NHSL1: variants seen among roughly 807,000 people sequenced by gnomAD.
NHSL1 encodes the protein NHS-like protein 1.
Under a neutral mutation model 95.0 loss-of-function variants are expected in NHSL1, and 48 were observed. That is an observed-to-expected ratio of 0.51 (90% CI 0.40 to 0.64). The LOEUF is 0.64. Among genes scored for constraint, NHSL1 ranks in the 30% least tolerant of loss-of-function variants. The pLI, the probability that NHSL1 is intolerant of heterozygous loss-of-function variation, is 0.00. For missense variants in NHSL1, 1,971 were observed against 2,077.7 expected, an observed-to-expected ratio of 0.95 and a Z score of 1.00; for synonymous variants, 783 against 833.9, an observed-to-expected ratio of 0.94 and a Z score of 1.05.
intron 1 of NHSL1, among the ~76,000 whole-genome samples, chr6:138,630,430 T>C (rs1784803648): frequency 6.6e-6 from 1 of 152,176 alleles, no homozygotes; most frequent in South Asian, 2.1e-4. Flanking sequence ...TTCGCTCTTA[T>C]TGCCCAGTCT....
At chr6:138,555,741 G>A (rs937999344) in intron 1 of NHSL1, among the ~76,000 whole-genome samples, 1 of 152,152 alleles carries the variant, frequency 6.6e-6, no homozygotes, top group African/African-American at 2.4e-5. Flanking sequence ...TGACTCAGAC[G>A]CTTCCAAAAC....
At chr6:138,610,134 T>C (rs1583447628) in intron 1 of NHSL1, among the ~76,000 whole-genome samples, 1 of 152,046 alleles carries the variant, frequency 6.6e-6, no homozygotes, top group Non-Finnish European at 1.5e-5. Flanking sequence ...TCCCAAAATG[T>C]CCCCTTCCGA....
chr6:138,486,695 T>C (rs1356137440), intron 2 of NHSL1, among the ~76,000 whole-genome samples: 1 of 152,180 alleles, frequency 6.6e-6, no homozygotes, highest in Non-Finnish European at 1.5e-5. Flanking sequence ...TTAGGTGACT[T>C]TTCCAAACAT....
chr6:138,523,556 G>A (rs1314195549), intron 1 of NHSL1, among the ~76,000 whole-genome samples: 4 of 144,512 alleles, frequency 2.8e-5, no homozygotes, highest in Non-Finnish European at 5.9e-5. Flanking sequence ...CCATCTTCCC[G>A]CTTTGGCGTC....
chr6:138,645,222 A>G (rs1050472215), intron 1 of NHSL1, among the ~76,000 whole-genome samples: 2 of 152,218 alleles, frequency 1.3e-5, no homozygotes, highest in African/African-American at 4.8e-5. Context: ...CACCAGCATG[A>G]TCTGACAGCA....
In NHSL1 at chr6:138,437,375, CATATATATAT is replaced by C. The variant is rs377602478; in HGVS notation, c.665-3705_665-3696del. Among the ~76,000 whole-genome samples, 173 of 36,192 alleles carry C rather than the reference CATATATATAT, an allele frequency of 4.8e-3. 8 individuals carry two copies. Among genetic ancestry groups the C allele is most frequent in the African/African-American group, 0.018 (160 of 8,990 alleles). 23.7% of individuals were successfully genotyped at this position (36,192 alleles called of 152,430 possible). A position where few individuals can be genotyped will look rare whatever the true frequency, so the allele number is the denominator to read the frequency against. On this transcript the variant is annotated intron_variant, in intron 5 of 7. Transcript: ENST00000343505. ...ATATATACACATATATATATATACA[CATATATATAT>C]ACACATATATATATATATACACACA...
chr6:138,642,406 A>T (rs1258964130), intron 1 of NHSL1, among the ~76,000 whole-genome samples: 1 of 152,170 alleles, frequency 6.6e-6, no homozygotes, highest in East Asian at 1.9e-4. Flanking sequence ...TAAAATGTTG[A>T]CTTAAGGCAG....
At chr6:138,442,626 A>G (rs1252587784) in intron 4 of NHSL1, among the ~76,000 whole-genome samples, 1 of 152,254 alleles carries the variant, frequency 6.6e-6, no homozygotes, top group African/African-American at 2.4e-5. Context: ...CAATTTGGAT[A>G]GACTGTGGTA....
chr6:138,659,546 C>G (rs1785199165), intron 1 of NHSL1, among the ~76,000 whole-genome samples: 1 of 152,128 alleles, frequency 6.6e-6, no homozygotes, highest in Admixed American at 6.5e-5. Context: ...GAATGATGCT[C>G]TAACACCTAA....
At chr6:138,519,460 A>T (rs1338158662) in intron 1 of NHSL1, among the ~76,000 whole-genome samples, 11 of 152,102 alleles carry the variant, frequency 7.2e-5, no homozygotes, top group Admixed American at 2.6e-4. Context: ...CTTTTTTTTT[A>T]AACCAGAGAA....
intron 1 of NHSL1, among the ~76,000 whole-genome samples, chr6:138,678,786 G>A (rs1385347336): frequency 6.6e-6 from 1 of 152,104 alleles, no homozygotes; most frequent in Non-Finnish European, 1.5e-5. Context: ...TAAATAAAAT[G>A]GGCACATAGT....
intron 4 of NHSL1, among the ~76,000 whole-genome samples, chr6:138,446,288 C>T (rs1424711279): frequency 6.6e-6 from 1 of 152,190 alleles, no homozygotes; most frequent in Non-Finnish European, 1.5e-5. Flanking sequence ...CTGCCCGCCT[C>T]AGCCTCCCAA....
At chr6:138,494,353 C>T (rs947345378) in intron 2 of NHSL1, among the ~76,000 whole-genome samples, 5 of 152,212 alleles carry the variant, frequency 3.3e-5, no homozygotes, top group African/African-American at 1.2e-4. Context: ...ATGAGCTCCA[C>T]AGCCTCAGAC....
chr6:138,527,376 CT>C (rs1781949771), intron 1 of NHSL1, among the ~76,000 whole-genome samples: 2 of 152,074 alleles, frequency 1.3e-5, no homozygotes, highest in Non-Finnish European at 2.9e-5. Flanking sequence ...AAAGTGCCCC[CT>C]GCCCCAAAAA....
At chr6:138,456,824 T>C (rs1045337391) in intron 3 of NHSL1, among the ~76,000 whole-genome samples, 1 of 148,044 alleles carries the variant, frequency 6.8e-6, no homozygotes, top group Non-Finnish European at 1.5e-5. Context: ...CACAAAGCAA[T>C]GGTGTACTCT....
At chr6:138,666,114 A>C (rs1785290850) in intron 1 of NHSL1, among the ~76,000 whole-genome samples, 1 of 151,704 alleles carries the variant, frequency 6.6e-6, no homozygotes, top group South Asian at 2.1e-4. Flanking sequence ...GACCAGCCTG[A>C]CCAACATGGA....
chr6:138,521,147 T>C (rs1296363812), intron 1 of NHSL1, among the ~76,000 whole-genome samples: 1 of 152,218 alleles, frequency 6.6e-6, no homozygotes, highest in African/African-American at 2.4e-5. Context: ...AACAAGTCCC[T>C]GTAACCAATA....
chr6:138,429,506 C>A (rs1775484533), intron 7 of NHSL1, among the ~76,000 whole-genome samples: 1 of 152,076 alleles, frequency 6.6e-6, no homozygotes, highest in Admixed American at 6.5e-5. Flanking sequence ...TCCCCAATGT[C>A]ATAAAAATCA....
Position 138,430,430 on chromosome 6 carries a change from GC to G in NHSL1, c.3914del (p.Gly1305AlafsTer40). ...EPAENSADTG[G>X]DGESCLSQQD... ...GTTGAGATAGGCAGCTCTCCCCATC[GC>G]CCCCAGTATCCGCACTGTTCTCGGC... On this transcript the variant is annotated frameshift_variant, in exon 6 of 8. Transcript: ENST00000343505. LOFTEE classifies it high-confidence loss of function. This position sits in a 1 kb window ranked among gnomAD's most constrained non-coding sequence, Gnocchi z 4.7. 4 of 1,503,560 alleles carry G rather than the reference GC, an allele frequency of 2.7e-6. No individual in the cohort carries two copies. Among genetic ancestry groups the G allele is most frequent in the Non-Finnish European group, 3.6e-6 (4 of 1,120,472 alleles). The allele number at this position is 1,503,560 out of a possible 1,614,324, so 93.1% of individuals were successfully genotyped here. A position where few individuals can be genotyped will look rare whatever the true frequency, so the allele number is the denominator to read the frequency against.
Sources: allele counts gnomAD v4.1 joint callset (sites outside exome capture counted in the v4.1 genomes callset), GRCh38; gene constraint gnomAD v4.1.1; non-coding constraint Gnocchi (gnomAD v3.1); transcripts MANE v1.5; gene names NCBI Gene and HGNC (gene_info 2026-07-23, HGNC 2026-07-21).